MLLT10: variants seen among roughly 807,000 people sequenced by gnomAD.
MLLT10 encodes MLLT10 histone lysine methyltransferase DOT1L cofactor, also known as protein AF-10.
A neutral mutation model predicts 129.1 loss-of-function variants in MLLT10; 30 were observed. The observed-to-expected ratio is 0.23, with a 90% CI of 0.17 to 0.32. The LOEUF (loss-of-function observed/expected upper bound fraction) is 0.32. Among genes scored for constraint, MLLT10 ranks in the 10% least tolerant of loss-of-function variants. The pLI is 1.00. For synonymous variants in MLLT10, 490 were observed against 446.4 expected (o/e 1.10, Z -1.23); for missense variants, 1,119 against 1,268.3 (o/e 0.88, Z 1.79).
Position 21,584,256 on chromosome 10 carries a change from C to T in MLLT10, c.241-2038C>T, listed in dbSNP as rs561790861. Among the ~76,000 whole-genome samples, 14 of 148,252 alleles carry T rather than the reference C, an allele frequency of 9.4e-5. No homozygotes were observed. The East Asian group carries it at 1.4e-3, about 15-fold the overall frequency. ...TCTGCTCGCTGCAACCTCCGCCTTCCGGTTTCAAGTGATTCTCCTGCCTCA... is the reference window on the plus strand; with the variant it reads ...TCTGCTCGCTGCAACCTCCGCCTTCTGGTTTCAAGTGATTCTCCTGCCTCA... On this transcript the variant is annotated intron_variant, in intron 3 of 22. Transcript: ENST00000307729.
chr10:21,589,780 A>ATT (rs1227946078), intron 4 of MLLT10, among the ~76,000 whole-genome samples: 15 of 152,124 alleles, frequency 9.9e-5, no homozygotes, highest in Non-Finnish European at 1.8e-4. Flanking sequence ...ATTTGGTGTT[A>ATT]TTTTTCTTTG....
intron 13 of MLLT10, among the ~76,000 whole-genome samples, chr10:21,696,713 T>C (rs1385932473): frequency 6.6e-6 from 1 of 152,188 alleles, no homozygotes; most frequent in Non-Finnish European, 1.5e-5. Context: ...TTTATCCAAA[T>C]TTAGTATTGA....
At chr10:21,620,087 G>A (rs1055596378) in intron 8 of MLLT10, among the ~76,000 whole-genome samples, 2 of 151,744 alleles carry the variant, frequency 1.3e-5, no homozygotes, top group African/African-American at 4.8e-5. Context: ...ACACCACCAC[G>A]CCCAGCTAAT....
At chr10:21,548,664 C>T (rs376950227) in intron 3 of MLLT10, among the ~76,000 whole-genome samples, 14 of 152,136 alleles carry the variant, frequency 9.2e-5, no homozygotes, top group East Asian at 7.7e-4. Context: ...CCACTGTGCC[C>T]GGCCTTTCTG....
intron 5 of MLLT10, among the ~76,000 whole-genome samples, chr10:21,599,150 C>T (rs546948353): frequency 6.6e-4 from 100 of 150,454 alleles, no homozygotes; most frequent in African/African-American, 2.4e-3. Flanking sequence ...TGCACCTCAG[C>T]CTGGGTGACA....
chr10:21,569,758 C>T (rs1588997348), intron 3 of MLLT10, among the ~76,000 whole-genome samples: 2 of 150,294 alleles, frequency 1.3e-5, no homozygotes, highest in African/African-American at 2.4e-5. Flanking sequence ...TTGTAGAGAC[C>T]GGGTCTTCCT....
intron 3 of MLLT10, among the ~76,000 whole-genome samples, chr10:21,547,358 C>T (rs1342636814): frequency 6.6e-6 from 1 of 151,430 alleles, no homozygotes; most frequent in African/African-American, 2.4e-5. Context: ...TTCTTTTTCC[C>T]TCGCACAATC....
At chr10:21,616,982 G>T (rs1428445706) in intron 7 of MLLT10, 130 bp from the exon 8 acceptor site, 1 of 346,454 alleles carries the variant, frequency 2.9e-6, no homozygotes, top group South Asian at 1.3e-4. Context: ...TATATAGATT[G>T]AAATAGACTT....
intron 8 of MLLT10, among the ~76,000 whole-genome samples, chr10:21,634,793 T>G (rs1267696187): frequency 6.6e-6 from 1 of 152,234 alleles, no homozygotes; most frequent in Non-Finnish European, 1.5e-5. Flanking sequence ...TTCACTGTGT[T>G]ACGTAATTCC....
At chr10:21,583,037 G>A (rs922427617) in intron 3 of MLLT10, among the ~76,000 whole-genome samples, 1 of 152,110 alleles carries the variant, frequency 6.6e-6, no homozygotes, top group Non-Finnish European at 1.5e-5. Flanking sequence ...GGACGTGGTG[G>A]CACACACCTG....
chr10:21,688,426 C>CT, intron 13 of MLLT10: 1 of 1,352,926 alleles, frequency 7.4e-7, no homozygotes, highest in African/African-American at 1.4e-5. Flanking sequence ...TTCAACTTGT[C>CT]TGTCATGGTG....
At chr10:21,570,827 T>C (rs1352563388) in intron 3 of MLLT10, among the ~76,000 whole-genome samples, 2 of 152,194 alleles carry the variant, frequency 1.3e-5, no homozygotes, top group Non-Finnish European at 2.9e-5. Flanking sequence ...AATTGGTTTA[T>C]TTTTTGTTTC....
At position 21,614,873 on chromosome 10, in the gene MLLT10, T is replaced by C; in HGVS notation, c.552T>C (p.Gly184=). ...TGCTTTGTGAAGAAGAAGGTAATGG[T>C]GCCGATAATGTCCAATACTGTGGCT... ...AGLLCEEEGN[G]ADNVQYCGYC... is the part of the protein sequence containing the mutation. The change falls in exon 7 of 23, where the codon GGT becomes GGC. Residue 184 remains glycine, a synonymous_variant. Transcript: ENST00000307729. The C allele has an allele frequency of 6.2e-7, 1 of 1,613,154 alleles. No individual in the cohort carries two copies. The highest frequency in any genetic ancestry group is 8.5e-7 in the Non-Finnish European group (1 of 1,179,798).
intron 13 of MLLT10, among the ~76,000 whole-genome samples, chr10:21,687,383 C>T (rs1394683718): frequency 1.3e-5 from 2 of 152,124 alleles, no homozygotes; most frequent in African/African-American, 4.8e-5. Flanking sequence ...TACTCAGGCT[C>T]ATATAATTGT....
At chr10:21,621,577 G>A in intron 8 of MLLT10, among the ~76,000 whole-genome samples, 1 of 152,158 alleles carries the variant, frequency 6.6e-6, no homozygotes, top group African/African-American at 2.4e-5. Flanking sequence ...AGGTGAGCGA[G>A]GTGTGCCTGT....
intron 16 of MLLT10, among the ~76,000 whole-genome samples, chr10:21,728,530 C>A (rs1394793570): frequency 2.0e-5 from 3 of 152,092 alleles, no homozygotes; most frequent in Non-Finnish European, 2.9e-5. Flanking sequence ...GATACTGTGT[C>A]TGCTTGTAGG....
intron 20 of MLLT10, 48 bp downstream of exon 20, chr10:21,734,177 G>A (rs778186609): frequency 3.1e-5 from 47 of 1,536,990 alleles, no homozygotes; most frequent in Middle Eastern, 1.8e-4. Flanking sequence ...ACAGAGTACC[G>A]GTGTTGTCTA....
intron 3 of MLLT10, among the ~76,000 whole-genome samples, chr10:21,542,846 A>G (rs764564086): frequency 2.6e-5 from 4 of 152,228 alleles, no homozygotes; most frequent in African/African-American, 9.6e-5. Flanking sequence ...TAGTCACACT[A>G]CTGCACACTA....
In MLLT10 at chr10:21,549,905, C is replaced by T. The variant is rs535418546; in HGVS notation, c.240+10993C>T. Among the ~76,000 whole-genome samples the T allele has an allele frequency of 4.6e-4, 70 of 152,266 alleles. No individual in the cohort carries two copies. In the South Asian group the frequency reaches 0.014, roughly 30 times the overall value. The stretch of plus-strand genomic sequence containing the variant: ...CTGCCCGCCTTGGCCTCCCAAAGTG[C>T]TGGGATTACAGGCGTGAGCCATCGC... On this transcript the variant is annotated intron_variant, in intron 3 of 22. Coordinates refer to ENST00000307729, the MANE Select transcript of MLLT10 (RefSeq NM_001195626.3).
Sources: allele counts gnomAD v4.1 joint callset (sites outside exome capture counted in the v4.1 genomes callset), GRCh38; gene constraint gnomAD v4.1.1; transcripts MANE v1.5; gene names NCBI Gene and HGNC (gene_info 2026-07-23, HGNC 2026-07-21).